The following TNFRSF21 variants were observed in gnomAD, a reference collection of about 807,000 sequenced individuals.
The protein encoded by TNFRSF21 is tumor necrosis factor receptor superfamily member 21.
In TNFRSF21, 19 loss-of-function variants were observed where a neutral mutation model predicts 45.6. That is an observed-to-expected ratio of 0.42 (90% CI 0.29 to 0.61). The LOEUF (loss-of-function observed/expected upper bound fraction) is 0.61, where lower values mean the gene tolerates loss of function less well. TNFRSF21 is among the 20% of genes least tolerant of loss of function. The probability of loss-of-function intolerance (pLI) is 0.23; values close to 1 mark genes in which losing one functional copy is unlikely to be tolerated. For synonymous variants in TNFRSF21, 314 were observed against 335.5 expected (o/e 0.94, Z 0.70); for missense variants, 737 against 851.5 (o/e 0.87, Z 1.67).
chr6:47,296,613 T>G (rs1161090566), intron 1 of TNFRSF21, among the ~76,000 whole-genome samples: 1 of 152,130 alleles, frequency 6.6e-6, no homozygotes, highest in Non-Finnish European at 1.5e-5. Flanking sequence ...GTTGAGCTGA[T>G]CACCAATGGC....
Position 47,285,960 on chromosome 6 carries a change from G to A in TNFRSF21, c.732C>T (p.Ser244=), listed in dbSNP as rs756089168. The A allele has an allele frequency of 7.2e-5, 117 of 1,613,916 alleles. No homozygotes were observed. The highest frequency in any genetic ancestry group is 9.6e-5 in the Non-Finnish European group (113 of 1,179,954). ...TTAAGTTACCTTTGGGAACATAAGT[G>A]GAGGAAGGGACTTCATGGGTTTCCA... The part of the protein sequence containing the change: ...EHMETHEVPS[S]TYVPKGMNST... Residue 244 remains serine, a synonymous_variant, in exon 2 of 6, where the codon TCC becomes TCT. Coordinates refer to ENST00000296861, the MANE Select transcript of TNFRSF21 (RefSeq NM_014452.5).
chr6:47,241,383 G>A (rs1045209117), intron 4 of TNFRSF21, among the ~76,000 whole-genome samples: 3 of 152,102 alleles, frequency 2.0e-5, no homozygotes, highest in Non-Finnish European at 4.4e-5. Flanking sequence ...TTCAGATGAT[G>A]AGAGACAATG....
At chr6:47,251,429 G>A (rs1446786140) in intron 4 of TNFRSF21, among the ~76,000 whole-genome samples, 1 of 152,078 alleles carries the variant, frequency 6.6e-6, no homozygotes, top group Non-Finnish European at 1.5e-5. Flanking sequence ...AAATAATTAA[G>A]GTGTACAAGA....
intron 1 of TNFRSF21, among the ~76,000 whole-genome samples, chr6:47,302,488 T>C (rs1443947441): frequency 6.6e-6 from 1 of 152,138 alleles, no homozygotes; most frequent in East Asian, 1.9e-4. Context: ...AAGGATCCAT[T>C]CCCTATTTAT....
At chr6:47,253,681 T>C (rs1168253760) in intron 3 of TNFRSF21, among the ~76,000 whole-genome samples, 160 bp from the exon 4 acceptor site, 1 of 152,198 alleles carries the variant, frequency 6.6e-6, no homozygotes, top group Admixed American at 6.5e-5. Flanking sequence ...CACAAGCAGC[T>C]CATCTTGTGG....
chr6:47,242,869 T>C (rs543188280), intron 4 of TNFRSF21, among the ~76,000 whole-genome samples: 1 of 152,370 alleles, frequency 6.6e-6, no homozygotes, highest in African/African-American at 2.4e-5. Context: ...TCATGCTCCA[T>C]TGGAAATTCC....
At chr6:47,301,571 GGTGGATCT>G (rs1357473305) in intron 1 of TNFRSF21, among the ~76,000 whole-genome samples, 3 of 152,208 alleles carry the variant, frequency 2.0e-5, no homozygotes, top group Non-Finnish European at 4.4e-5. Context: ...TGGGTCATGA[GGTGGATCT>G]GTCATGAACG....
rs1193993199 is a variant in TNFRSF21 at position 47,309,678 on chromosome 6, G to C, written c.-167C>G. ...GCCGGGCAGAGGAGGGAGGCGGCAA[G>C]GGAGGCTCTAGGGGCGCTCAGCACC... On this transcript the variant is annotated 5_prime_UTR_variant, in exon 1 of 6. Transcript: ENST00000296861. 1.0e-5 allele frequency: 11 copies of C among 1,092,178 alleles called. No homozygotes were observed. Among genetic ancestry groups the C allele is most frequent in the Admixed American group, 4.2e-5 (1 of 23,898 alleles). 67.7% of individuals were successfully genotyped at this position (1,092,178 alleles called of 1,614,324 possible). A position where few individuals can be genotyped will look rare whatever the true frequency, so the allele number is the denominator to read the frequency against.
At chr6:47,276,977 T>G (rs1406506601) in intron 3 of TNFRSF21, among the ~76,000 whole-genome samples, 2 of 152,008 alleles carry the variant, frequency 1.3e-5, no homozygotes, top group Non-Finnish European at 2.9e-5. Flanking sequence ...AAGTACAGTT[T>G]TTTTGGTTTT....
chr6:47,284,266 G>C lies in TNFRSF21; in HGVS notation c.915C>G (p.His305Gln). 9 of 1,612,858 alleles carry C rather than the reference G, an allele frequency of 5.6e-6. No homozygotes were observed. The highest frequency in any genetic ancestry group is 7.6e-6 in the Non-Finnish European group (9 of 1,179,296). The change falls in exon 3 of 6, where the codon CAC becomes CAG. Residue 305 changes from histidine to glutamine, a missense_variant. His to Gln is a conservative substitution (Grantham distance 24). Transcript: ENST00000296861. ...LQVVNHQQGP[H>Q]HRHILKLLPS... is the part of the protein sequence containing the mutation. ...GCAGCAGCTTCAGGATGTGTCTGTG[G>C]TGGGGGCCTTGCTGGTGGTTGACTA...
chr6:47,267,301 T>C (rs1006590154), intron 3 of TNFRSF21, among the ~76,000 whole-genome samples: 1 of 152,058 alleles, frequency 6.6e-6, no homozygotes, highest in African/African-American at 2.4e-5. Context: ...GGTTTCACCA[T>C]GTTGGCCAGG....
Position 47,309,473 on chromosome 6 carries a change from G to A in TNFRSF21, c.39C>T (p.Ser13=), listed in dbSNP as rs764849561. 7 of 1,530,104 alleles carry A rather than the reference G, an allele frequency of 4.6e-6. No individual in the cohort carries two copies. In the Admixed American group the frequency reaches 1.4e-4, roughly 30 times the overall value. 94.8% of individuals were successfully genotyped at this position (1,530,104 alleles called of 1,614,324 possible). A position where few individuals can be genotyped will look rare whatever the true frequency, so the allele number is the denominator to read the frequency against. ...TGGCTCGGCGGGCGATGCGGCTGCA[G>A]GAGGCGAGGGCGGTGCTGCTGCTCG... ...TSPSSSTALA[S]CSRIARRATA... is the part of the protein sequence containing the mutation. Residue 13 remains serine (S), a synonymous_variant, in exon 1 of 6, where the codon TCC becomes TCT. Transcript: ENST00000296861.
intron 3 of TNFRSF21, among the ~76,000 whole-genome samples, chr6:47,264,810 C>A (rs538870198): frequency 4.6e-5 from 7 of 152,068 alleles, no homozygotes; most frequent in East Asian, 3.9e-4. Flanking sequence ...GGGATGGGGG[C>A]GGGGGTGAGA....
intron 3 of TNFRSF21, among the ~76,000 whole-genome samples, chr6:47,256,075 G>A (rs1030033606): frequency 1.3e-5 from 2 of 152,168 alleles, no homozygotes; most frequent in Admixed American, 6.5e-5. Flanking sequence ...CTGTAAAAAC[G>A]AAGGACGCTG....
chr6:47,232,919 T>G lies in TNFRSF21; in HGVS notation c.1814A>C (p.His605Pro). Residue 605 changes from histidine (H) to proline (P), a missense_variant, in exon 6 of 6, where the codon CAC (histidine) becomes CCC (proline). His to Pro is a moderately conservative substitution (Grantham distance 77). Transcript: ENST00000296861. ...CCGCAGCTCCTCAGGATTTAGAAAG[T>G]GGAGCATGTCATCAAAGATAGGCTG... ...DLQPIFDDML[H>P]FLNPEELRVI... The G allele has an allele frequency of 6.2e-7, 1 of 1,614,080 alleles. No individual in the cohort carries two copies. The highest frequency in any genetic ancestry group is 8.5e-7 in the Non-Finnish European group (1 of 1,180,002).
intron 1 of TNFRSF21, among the ~76,000 whole-genome samples, chr6:47,294,440 C>T (rs1762768971): frequency 6.6e-6 from 1 of 152,240 alleles, no homozygotes; most frequent in African/African-American, 2.4e-5. Flanking sequence ...ACGCGCCCGG[C>T]TGCGCACAGG....
At chr6:47,257,282 G>C (rs1286758114) in intron 3 of TNFRSF21, among the ~76,000 whole-genome samples, 1 of 151,832 alleles carries the variant, frequency 6.6e-6, no homozygotes, top group Admixed American at 6.6e-5. Flanking sequence ...AACTAAAATG[G>C]ACTGGAAGCT....
In TNFRSF21 at chr6:47,286,265, T is replaced by C. The variant is rs1159144056; in HGVS notation, c.427A>G (p.Thr143Ala). ...GGACACACCGTATGGGGGGCACAGG[T>C]AGCGTTAGACTGGAACATGCCAGGT... ...CPPGMFQSNA[T>A]CAPHTVCPVG... Residue 143 changes from threonine (T) to alanine (A), a missense_variant, in exon 2 of 6, where the codon ACC becomes GCC. Physicochemically the swap from Thr to Ala is moderately conservative, Grantham distance 58. Coordinates refer to ENST00000296861, the MANE Select transcript of TNFRSF21 (RefSeq NM_014452.5). 8 of 1,614,166 alleles carry C rather than the reference T, an allele frequency of 5.0e-6. No homozygotes were observed. Among genetic ancestry groups the C allele is most frequent in the Non-Finnish European group, 6.8e-6 (8 of 1,180,042 alleles).
Position 47,234,922 on chromosome 6 carries a change from T to A in TNFRSF21, c.1510-24A>T, listed in dbSNP as rs114799764. On this transcript the variant is annotated intron_variant, in intron 4 of 5. Coordinates refer to ENST00000296861, the MANE Select transcript of TNFRSF21 (RefSeq NM_014452.5). ...AGCTGTAGGAGGGAAAATTTTTTTTTATTATATATAGAAAAAAAAACAGTA... is the reference window on the plus strand; with the variant it reads ...AGCTGTAGGAGGGAAAATTTTTTTTAATTATATATAGAAAAAAAAACAGTA... 2,002 of 1,264,308 alleles carry A rather than the reference T, an allele frequency of 1.6e-3. 38 individuals carry two copies. In the African/African-American group the frequency reaches 0.027, roughly 17 times the overall value. The allele number at this position is 1,264,308 out of a possible 1,614,324, so 78.3% of individuals were successfully genotyped here. A position where few individuals can be genotyped will look rare whatever the true frequency, so the allele number is the denominator to read the frequency against.
Sources: gnomAD v4.1 joint callset for allele counts (sites outside exome capture counted in the v4.1 genomes callset) on GRCh38, gnomAD v4.1.1 for gene constraint, MANE v1.5 for transcripts, NCBI Gene and HGNC (gene_info 2026-07-23, HGNC 2026-07-21) for gene names.